Variants in DPP10 observed in about 807,000 individuals in gnomAD.
DPP10 encodes inactive dipeptidyl peptidase 10.
DPP10 carries 33 observed loss-of-function variants against 120.9 expected under a neutral mutation model. The ratio of observed to expected loss-of-function variants is 0.27; its 90% confidence interval spans 0.21 to 0.37. The LOEUF (loss-of-function observed/expected upper bound fraction) is 0.37. DPP10 is among the 10% of genes least tolerant of loss of function. The pLI is 1.00. For missense variants in DPP10, 816 were observed against 942.8 expected, an observed-to-expected ratio of 0.87 and a Z score of 1.76; for synonymous variants, 337 against 326.1, an observed-to-expected ratio of 1.03 and a Z score of -0.36.
intron 5 of DPP10, among the ~76,000 whole-genome samples, chr2:115,572,607 T>G (rs2081402893): frequency 1.3e-5 from 2 of 152,196 alleles, no homozygotes; most frequent in Admixed American, 6.5e-5. Context: ...ATTCTTAAAA[T>G]GTACATAGGA....
rs577370004 is a variant in DPP10 at position 114,548,490 on chromosome 2, C to T, written c.60+105652C>T. Among the ~76,000 whole-genome samples, 64 of 152,216 alleles carry T rather than the reference C, an allele frequency of 4.2e-4. No homozygotes were observed. In the South Asian group the frequency reaches 9.3e-3, roughly 22 times the overall value. ...CCTCCTTACTCGTCTTTGAGAAGGG[C>T]GGGCTAGTTACAGGCTGCTTGTGAG... On this transcript the variant is annotated intron_variant, in intron 1 of 25. Transcript: ENST00000410059.
At chr2:114,499,891 A>G (rs1382997448) in intron 1 of DPP10, among the ~76,000 whole-genome samples, 1 of 152,086 alleles carries the variant, frequency 6.6e-6, no homozygotes. Context: ...CCCTGTGAAA[A>G]TTTTCTATTG....
rs189341768 is a variant in DPP10, at chr2:115,129,079, G to A, written c.61-180160G>A. 5.9e-5 allele frequency among the ~76,000 whole-genome samples: 9 copies of A among 152,262 alleles called. No individual in the cohort carries two copies. The East Asian group carries it at 1.4e-3, about 23-fold the overall frequency. ...CAATGTTTCCCTCTTCATGACACTC[G>A]GTCCTTGCTTCTCCTCTTCTGTCTG... is the stretch of plus-strand genomic sequence containing the variant. On this transcript the variant is annotated intron_variant, in intron 1 of 25. Transcript: ENST00000410059.
intron 1 of DPP10, among the ~76,000 whole-genome samples, chr2:114,963,211 G>A (rs1226123574): frequency 6.6e-6 from 1 of 152,208 alleles, no homozygotes; most frequent in African/African-American, 2.4e-5. Flanking sequence ...ATTGCTGTAT[G>A]TGAAAGCTGA....
chr2:115,077,818 A>T (rs1707926730), intron 1 of DPP10, among the ~76,000 whole-genome samples: 1 of 152,210 alleles, frequency 6.6e-6, no homozygotes, highest in Non-Finnish European at 1.5e-5. Flanking sequence ...ATATTTCAGG[A>T]CTTTCCTCCT....
At position 115,027,327 on chromosome 2, in the gene DPP10, T is replaced by A. The variant is rs908329736; in HGVS notation, c.61-281912T>A. Among the ~76,000 whole-genome samples the A allele has an allele frequency of 2.7e-4, 41 of 152,310 alleles. 1 individual carries two copies. Among genetic ancestry groups the A allele is most frequent in the Middle Eastern group, 6.8e-3 (2 of 294 alleles). Reference sequence around the variant, plus strand: ...TGTCCTAATTTGGATGCCCTTTATCTCTTTCTCTTGCCTAATTGGTCTTGC... The same window carrying A: ...TGTCCTAATTTGGATGCCCTTTATCACTTTCTCTTGCCTAATTGGTCTTGC... On this transcript the variant is annotated intron_variant, in intron 1 of 25. Coordinates refer to ENST00000410059, the MANE Select transcript of DPP10 (RefSeq NM_020868.6).
At chr2:115,063,088 T>C (rs757818826) in intron 1 of DPP10, among the ~76,000 whole-genome samples, 4 of 152,198 alleles carry the variant, frequency 2.6e-5, no homozygotes, top group Non-Finnish European at 5.9e-5. Context: ...CTATTTTGAC[T>C]GTTGTGAGAT....
intron 1 of DPP10, among the ~76,000 whole-genome samples, chr2:114,568,150 C>A (rs1231289218): frequency 1.3e-5 from 2 of 151,098 alleles, no homozygotes; most frequent in Admixed American, 6.6e-5. Context: ...AATGAAAAGG[C>A]CTTCCCCATA....
At chr2:115,586,354 C>G (rs1258114293) in intron 5 of DPP10, among the ~76,000 whole-genome samples, 1 of 152,010 alleles carries the variant, frequency 6.6e-6, no homozygotes, top group Non-Finnish European at 1.5e-5. Flanking sequence ...TATCAAAAAA[C>G]TGAGAAAATA....
intron 1 of DPP10, among the ~76,000 whole-genome samples, chr2:114,965,127 C>G (rs570813104): frequency 2.1e-3 from 323 of 150,334 alleles, no homozygotes; most frequent in Non-Finnish European, 3.6e-3. Flanking sequence ...CAGTTTGGGA[C>G]TTTCTTTCTT....
intron 3 of DPP10, among the ~76,000 whole-genome samples, chr2:115,413,274 A>C (rs1387238200): frequency 6.6e-6 from 1 of 152,188 alleles, no homozygotes; most frequent in Non-Finnish European, 1.5e-5. Flanking sequence ...CCAGGTGTTC[A>C]GTTACTTTTT....
chr2:114,913,261 C>T (rs1326098094), intron 1 of DPP10, among the ~76,000 whole-genome samples: 1 of 152,152 alleles, frequency 6.6e-6, no homozygotes, highest in Non-Finnish European at 1.5e-5. Context: ...GCAGCCTCCT[C>T]CTGCTGCTTT....
chr2:115,143,037 G>GA (rs901256917), intron 1 of DPP10, among the ~76,000 whole-genome samples: 1 of 152,118 alleles, frequency 6.6e-6, no homozygotes, highest in African/African-American at 2.4e-5. Context: ...CTTGTTCCTA[G>GA]AAAAAATCCA....
intron 1 of DPP10, among the ~76,000 whole-genome samples, chr2:115,032,969 T>C (rs1257689715): frequency 1.3e-5 from 2 of 152,020 alleles, no homozygotes; most frequent in African/African-American, 4.8e-5. Flanking sequence ...ATCCCTTTGC[T>C]CTCTGTTTTA....
intron 1 of DPP10, among the ~76,000 whole-genome samples, chr2:114,658,459 C>T (rs1697129529): frequency 6.6e-6 from 1 of 152,100 alleles, no homozygotes; most frequent in Admixed American, 6.5e-5. Flanking sequence ...ATATTTTGAT[C>T]TTCAGTTTAT....
chr2:115,202,754 G>A (rs1269801552), intron 1 of DPP10, among the ~76,000 whole-genome samples: 1 of 152,128 alleles, frequency 6.6e-6, no homozygotes, highest in East Asian at 1.9e-4. Flanking sequence ...CTGGAAGTAT[G>A]GCTAGTGTGA....
intron 1 of DPP10, among the ~76,000 whole-genome samples, chr2:114,816,683 G>A (rs1311179096): frequency 1.3e-5 from 2 of 152,070 alleles, no homozygotes; most frequent in African/African-American, 4.8e-5. Context: ...ATTCTAGTTC[G>A]AAGGGCAAGG....
intron 5 of DPP10, among the ~76,000 whole-genome samples, chr2:115,571,040 C>T (rs2081308071): frequency 6.6e-6 from 1 of 152,194 alleles, no homozygotes; most frequent in African/African-American, 2.4e-5. Context: ...CCTTGGCACT[C>T]ACACATCTAA....
chr2:114,609,910 C>T (rs771518355), intron 1 of DPP10, among the ~76,000 whole-genome samples: 3 of 152,202 alleles, frequency 2.0e-5, no homozygotes, highest in Non-Finnish European at 4.4e-5. Context: ...CCAACCACAT[C>T]CTTCAATCCC....
Sources: gnomAD v4.1 joint callset for allele counts (sites outside exome capture counted in the v4.1 genomes callset) on GRCh38, gnomAD v4.1.1 for gene constraint, MANE v1.5 for transcripts, NCBI Gene and HGNC (gene_info 2026-07-23, HGNC 2026-07-21) for gene names.